Variants in ARFGEF1 observed in about 807,000 individuals in gnomAD.
The protein encoded by ARFGEF1 is ARF guanine nucleotide exchange factor 1, also known as brefeldin A-inhibited guanine nucleotide-exchange protein 1.
ARFGEF1 carries 42 observed loss-of-function variants against 231.0 expected under a neutral mutation model. That is an observed-to-expected ratio of 0.18 (90% CI 0.14 to 0.24). The LOEUF (loss-of-function observed/expected upper bound fraction) is 0.24. Ranked by LOEUF, ARFGEF1 falls within the 10% of genes least tolerant of loss-of-function variation. The pLI is 1.00. For missense variants in ARFGEF1, 1,345 were observed against 2,192.0 expected (o/e 0.61, Z 7.72); for synonymous variants, 710 against 732.3 (o/e 0.97, Z 0.49).
intron 35 of ARFGEF1, 128 bp downstream of exon 35, chr8:67,204,552 T>C: frequency 3.5e-6 from 4 of 1,141,374 alleles, no homozygotes; most frequent in African/African-American, 1.6e-5. Context: ...TCCAGTCTCA[T>C]GGTTTAAAAG....
chr8:67,210,245 A>G (rs927866079), intron 34 of ARFGEF1, among the ~76,000 whole-genome samples: 1 of 150,976 alleles, frequency 6.6e-6, no homozygotes, highest in Non-Finnish European at 1.5e-5. Context: ...TGGGAAGCTG[A>G]GGTGGGTGGA....
chr8:67,222,166 T>C (rs1207608606), intron 29 of ARFGEF1, among the ~76,000 whole-genome samples: 4 of 116,762 alleles, frequency 3.4e-5, no homozygotes, highest in Admixed American at 1.7e-4. Context: ...TTTCCATGCA[T>C]ATATATATAT....
At chr8:67,316,038 T>C (rs918532001) in intron 1 of ARFGEF1, among the ~76,000 whole-genome samples, 2 of 152,090 alleles carry the variant, frequency 1.3e-5, no homozygotes, top group African/African-American at 4.8e-5. Flanking sequence ...AAAAAGCTGA[T>C]TGTTTGATAA....
chr8:67,267,237 C>T lies in ARFGEF1; in HGVS notation c.1673-7G>A. 1 of 1,610,544 alleles carries T rather than the reference C, an allele frequency of 6.2e-7. No individual in the cohort carries two copies. The highest frequency in any genetic ancestry group is 8.5e-7 in the Non-Finnish European group (1 of 1,178,698). ...TCCACTACACTCTGAGCATCTGTAACAATATAACATTAATTTCAACAAAGT... is the reference window on the plus strand; with the variant it reads ...TCCACTACACTCTGAGCATCTGTAATAATATAACATTAATTTCAACAAAGT... On this transcript the variant is annotated splice_region_variant and splice_polypyrimidine_tract_variant and intron_variant, in intron 11 of 38. Transcript: ENST00000262215.
intron 7 of ARFGEF1, among the ~76,000 whole-genome samples, chr8:67,280,779 T>A (rs545897556): frequency 1.3e-5 from 2 of 152,268 alleles, no homozygotes; most frequent in South Asian, 2.1e-4. Context: ...CCTCATGAAT[T>A]TTGGAAAGGA....
chr8:67,257,729 T>C lies in ARFGEF1; in HGVS notation c.2526+3A>G. The C allele has an allele frequency of 2.5e-6, 4 of 1,588,820 alleles. No homozygotes were observed. Among genetic ancestry groups the C allele is most frequent in the Non-Finnish European group, 3.4e-6 (4 of 1,164,012 alleles). On this transcript the variant is annotated splice_donor_region_variant and intron_variant, in intron 17 of 38. Transcript: ENST00000262215. ...TGTAAAACTGACTTAAAAGAAAACA[T>C]ACCTGTGGACTGTGAAGGTCTGTGG...
Position 67,271,026 on chromosome 8 carries a change from AAAAAAAAAAAAAAAAAAGGAAAAAG to A in ARFGEF1, c.1572+651_1572+675del, listed in dbSNP as rs1434523950. 3.2e-5 allele frequency among the ~76,000 whole-genome samples: 4 copies of A among 125,250 alleles called. No homozygotes were observed. The East Asian group carries it at 6.2e-4, about 19-fold the overall frequency. The allele number at this position is 125,250 out of a possible 152,430, so 82.2% of individuals were successfully genotyped here. ...GCAATAAGAGGGAAACTCCATCTCC[AAAAAAAAAAAAAAAAAAGGAAAAAG>A]AAAAAAAAAAAAAGAAACTGGTACA... On this transcript the variant is annotated intron_variant, in intron 10 of 38. Transcript: ENST00000262215.
intron 21 of ARFGEF1, 59 bp downstream of exon 21, chr8:67,238,676 A>AT: frequency 6.4e-7 from 1 of 1,569,746 alleles, no homozygotes. Flanking sequence ...ATGATGGACT[A>AT]TTTAGCATTA....
intron 22 of ARFGEF1, among the ~76,000 whole-genome samples, chr8:67,236,365 AATATATATAT>A (rs34297561): frequency 5.7e-3 from 164 of 28,918 alleles, no homozygotes; most frequent in Middle Eastern, 0.042. Context: ...AAAAAAAAAA[AATATATATAT>A]ATATATATAT....
At chr8:67,176,764 CT>C (rs1324635237) in intron 5 of ARFGEF1, among the ~76,000 whole-genome samples, 12 of 152,236 alleles carry the variant, frequency 7.9e-5, no homozygotes, top group African/African-American at 2.6e-4. Flanking sequence ...CTATGAAGAC[CT>C]AATTCATAGG....
At chr8:67,195,420 A>C, downstream of ARFGEF1, 1 of 1,614,162 alleles carries the variant, frequency 6.2e-7, no homozygotes, top group Non-Finnish European at 8.5e-7. Context: ...TGACATCATG[A>C]AACACATAGG....
chr8:67,184,318 A>G (rs1158603568), intron 5 of ARFGEF1, among the ~76,000 whole-genome samples: 1 of 152,244 alleles, frequency 6.6e-6, no homozygotes, highest in Admixed American at 6.5e-5. Flanking sequence ...TGGAGCAGAA[A>G]TCAATGAAAT....
At chr8:67,234,012 TAA>T (rs749492094) in intron 22 of ARFGEF1, among the ~76,000 whole-genome samples, 1 of 152,124 alleles carries the variant, frequency 6.6e-6, no homozygotes, top group Admixed American at 6.6e-5. Context: ...CACAACCAGA[TAA>T]AGTTTCCTAA....
At chr8:67,332,354 G>A (rs1544986) in intron 1 of ARFGEF1, among the ~76,000 whole-genome samples, 34,076 of 151,972 alleles carry the variant, frequency 0.22, 4,508 homozygotes, top group East Asian at 0.38. Flanking sequence ...AGTTTTAAAC[G>A]GTTAGGCATA....
chr8:67,201,577 A>G lies in ARFGEF1; in HGVS notation c.5157T>C (p.Leu1719=), dbSNP rs1295998501. The G allele has an allele frequency of 6.2e-7, 1 of 1,613,412 alleles. No homozygotes were observed. The highest frequency in any genetic ancestry group is 8.5e-7 in the Non-Finnish European group (1 of 1,179,810). ...AGFKGKSKPN[L]LKQETSSLAC... ...CCAGGCTGCTGGTCTCCTGCTTCAG[A>G]AGGTTGGGCTTGGATTTGCCTTTGA... The change falls in exon 37 of 39, where the codon CTT becomes CTC. Residue 1719 remains leucine, a synonymous_variant. Transcript: ENST00000262215.
chr8:67,259,701 G>T, intron 15 of ARFGEF1, 114 bp downstream of exon 15: 1 of 636,126 alleles, frequency 1.6e-6, no homozygotes, highest in Non-Finnish European at 2.6e-6. Flanking sequence ...GATTGCCTGA[G>T]CCCAGGAGTT....
intron 34 of ARFGEF1, among the ~76,000 whole-genome samples, chr8:67,207,896 G>A (rs1190788402): frequency 1.3e-5 from 2 of 152,306 alleles, no homozygotes; most frequent in African/African-American, 4.8e-5. Flanking sequence ...CTGGCTTAAG[G>A]ATGCAGTCTG....
intron 33 of ARFGEF1, among the ~76,000 whole-genome samples, chr8:67,215,489 G>A (rs971650730): frequency 6.6e-6 from 1 of 152,176 alleles, no homozygotes; most frequent in African/African-American, 2.4e-5. Context: ...TAACGATCTT[G>A]AGATGAGATC....
rs1283753930 is a variant in ARFGEF1 at position 67,217,305 on chromosome 8, A to C, written c.4613+477T>G. ...GTAAACATGAACGAAACTCCATCTC[A>C]AAAAAAAAAAAAAAAACCTACCTCA... On this transcript the variant is annotated intron_variant, in intron 32 of 38. Coordinates refer to ENST00000262215, the MANE Select transcript of ARFGEF1 (RefSeq NM_006421.5). 2.3e-5 allele frequency among the ~76,000 whole-genome samples: 3 copies of C among 130,816 alleles called. No individual in the cohort carries two copies. The East Asian group carries it at 6.3e-4, about 28-fold the overall frequency. 85.8% of individuals were successfully genotyped at this position (130,816 alleles called of 152,430 possible).
Sources: allele counts gnomAD v4.1 joint callset (sites outside exome capture counted in the v4.1 genomes callset), GRCh38; gene constraint gnomAD v4.1.1; transcripts MANE v1.5; gene names NCBI Gene and HGNC (gene_info 2026-07-23, HGNC 2026-07-21).